The following ZNF804B variants were observed in gnomAD, a reference collection of about 807,000 sequenced individuals.
ZNF804B encodes zinc finger protein 804B.
A neutral mutation model predicts 101.4 loss-of-function variants in ZNF804B; 80 were observed. The ratio of observed to expected loss-of-function variants is 0.79; its 90% CI spans 0.66 to 0.95. The LOEUF is 0.95. Ranked by LOEUF, ZNF804B falls within the 40% of genes least tolerant of loss-of-function variation. The pLI is 0.00. For missense variants in ZNF804B, 1,673 were observed against 1,561.9 expected (o/e 1.07, Z -1.20); for synonymous variants, 622 against 558.8 (o/e 1.11, Z -1.59).
At chr7:88,909,889 A>G (rs1792523573) in intron 1 of ZNF804B, among the ~76,000 whole-genome samples, 1 of 151,588 alleles carries the variant, frequency 6.6e-6, no homozygotes, top group Non-Finnish European at 1.5e-5. Context: ...ATTTAGTTTT[A>G]CTCACATATT....
At chr7:88,998,148 C>T (rs2116166374) in intron 1 of ZNF804B, among the ~76,000 whole-genome samples, 1 of 152,152 alleles carries the variant, frequency 6.6e-6, no homozygotes, top group South Asian at 2.1e-4. Context: ...CCTGCTGTCT[C>T]CTGTCTTTCT....
intron 1 of ZNF804B, among the ~76,000 whole-genome samples, chr7:88,778,322 C>G: frequency 6.6e-6 from 1 of 152,238 alleles, no homozygotes; most frequent in Non-Finnish European, 1.5e-5. Context: ...ATGGTTCGAT[C>G]GGGCCCACTT....
chr7:88,988,739 A>T (rs1424145515), intron 1 of ZNF804B, among the ~76,000 whole-genome samples: 1 of 152,166 alleles, frequency 6.6e-6, no homozygotes, highest in Non-Finnish European at 1.5e-5. Flanking sequence ...GAATGACATA[A>T]GATGAAGAAG....
At chr7:88,819,613 A>T (rs927137834) in intron 1 of ZNF804B, among the ~76,000 whole-genome samples, 3 of 152,164 alleles carry the variant, frequency 2.0e-5, no homozygotes. Context: ...CTAGGGACAC[A>T]AAAGTGCTAA....
intron 1 of ZNF804B, among the ~76,000 whole-genome samples, chr7:89,148,151 A>G (rs1414182003): frequency 6.6e-6 from 1 of 152,000 alleles, no homozygotes; most frequent in East Asian, 1.9e-4. Context: ...GTAATCTGAG[A>G]CAAATCTATT....
At chr7:89,017,976 C>T (rs1788598017) in intron 1 of ZNF804B, among the ~76,000 whole-genome samples, 1 of 152,098 alleles carries the variant, frequency 6.6e-6, no homozygotes, top group African/African-American at 2.4e-5. Flanking sequence ...AACAAGCTGA[C>T]TTCTTCCTTT....
At chr7:89,050,553 C>T (rs1486960949) in intron 1 of ZNF804B, among the ~76,000 whole-genome samples, 2 of 152,090 alleles carry the variant, frequency 1.3e-5, no homozygotes, top group Non-Finnish European at 2.9e-5. Context: ...TTCACCTGTC[C>T]ATCAGGACTC....
chr7:89,293,367 T>A (rs1370673588), intron 2 of ZNF804B, among the ~76,000 whole-genome samples: 1 of 151,986 alleles, frequency 6.6e-6, no homozygotes, highest in East Asian at 1.9e-4. Context: ...TGACATTTAC[T>A]CCAAAAGTTA....
At chr7:89,058,425 A>G (rs922572448) in intron 1 of ZNF804B, among the ~76,000 whole-genome samples, 2 of 152,184 alleles carry the variant, frequency 1.3e-5, no homozygotes, top group Admixed American at 1.3e-4. Flanking sequence ...TAAAAAGATT[A>G]ACAATGGATT....
intron 2 of ZNF804B, among the ~76,000 whole-genome samples, chr7:89,304,394 C>G (rs1195257908): frequency 6.6e-6 from 1 of 151,920 alleles, no homozygotes; most frequent in Non-Finnish European, 1.5e-5. Context: ...AATAGTCTCT[C>G]TCCTTTATTG....
At chr7:89,014,964 A>C (rs976884647) in intron 1 of ZNF804B, among the ~76,000 whole-genome samples, 1 of 152,160 alleles carries the variant, frequency 6.6e-6, no homozygotes, top group African/African-American at 2.4e-5. Context: ...GTTTTCCCCT[A>C]GTAGTCTTAC....
chr7:89,214,377 C>T (rs7776494), intron 1 of ZNF804B, among the ~76,000 whole-genome samples: 1 of 151,826 alleles, frequency 6.6e-6, no homozygotes, highest in Non-Finnish European at 1.5e-5. Flanking sequence ...TGAATGAATT[C>T]ATTATATATC....
intron 1 of ZNF804B, among the ~76,000 whole-genome samples, chr7:88,970,943 A>T (rs146187548): frequency 0.01 from 1,581 of 151,344 alleles, 27 homozygotes; most frequent in African/African-American, 0.035. Context: ...TGTTGTGCAC[A>T]TGTACCCTAA....
chr7:89,256,567 T>C (rs2115801801), intron 2 of ZNF804B, among the ~76,000 whole-genome samples: 1 of 150,960 alleles, frequency 6.6e-6, no homozygotes, highest in Non-Finnish European at 1.5e-5. Context: ...GGACTAGTTA[T>C]ACATTCAAAT....
At chr7:88,779,232 A>G (rs1004676844) in intron 1 of ZNF804B, among the ~76,000 whole-genome samples, 1 of 152,212 alleles carries the variant, frequency 6.6e-6, no homozygotes, top group Non-Finnish European at 1.5e-5. Context: ...AGACTTAATG[A>G]ATCAGAATGT....
At chr7:89,296,535 A>G (rs1307751976) in intron 2 of ZNF804B, among the ~76,000 whole-genome samples, 3 of 152,006 alleles carry the variant, frequency 2.0e-5, no homozygotes, top group Non-Finnish European at 2.9e-5. Context: ...GTTTTCTCAT[A>G]AATTGTAGGT....
In ZNF804B at chr7:89,336,235, G is replaced by C. The variant is rs1339670192; in HGVS notation, c.3253G>C (p.Val1085Leu). ...GAFPSNKYTG[V>L]TDSTETQEDQ... ...TTTTCCGTCTAATAAATATACTGGTGTGACTGATTCAACAGAGACCCAAGA... is the reference window on the plus strand; with the variant it reads ...TTTTCCGTCTAATAAATATACTGGTCTGACTGATTCAACAGAGACCCAAGA... The change falls in exon 4 of 4, where the codon GTG (valine) becomes CTG (leucine). Residue 1085 changes from valine to leucine, a missense_variant. Physicochemically the swap from Val to Leu is conservative, Grantham distance 32. Transcript: ENST00000333190. The C allele has an allele frequency of 6.2e-7, 1 of 1,613,814 alleles. No homozygotes were observed. Among genetic ancestry groups the C allele is most frequent in the Non-Finnish European group, 8.5e-7 (1 of 1,179,948 alleles).
intron 1 of ZNF804B, among the ~76,000 whole-genome samples, chr7:88,824,424 T>C (rs1417524181): frequency 6.6e-6 from 1 of 152,124 alleles, no homozygotes; most frequent in Non-Finnish European, 1.5e-5. Flanking sequence ...TCCACCATGA[T>C]TGTAAGTTTC....
At chr7:88,962,672 C>T (rs1247381876) in intron 1 of ZNF804B, among the ~76,000 whole-genome samples, 2 of 127,068 alleles carry the variant, frequency 1.6e-5, no homozygotes, top group African/African-American at 5.8e-5. Context: ...GGATTGTCTG[C>T]TTTTCACAGA....
Sources: gnomAD v4.1 joint callset for allele counts (sites outside exome capture counted in the v4.1 genomes callset) on GRCh38, gnomAD v4.1.1 for gene constraint, MANE v1.5 for transcripts, NCBI Gene and HGNC (gene_info 2026-07-23, HGNC 2026-07-21) for gene names.